CDH4: variants seen among roughly 807,000 people sequenced by gnomAD.
CDH4 encodes the protein cadherin-4.
CDH4 carries 33 observed loss-of-function variants against 86.0 expected under a neutral mutation model. The ratio of observed to expected loss-of-function variants is 0.38; its 90% CI spans 0.29 to 0.51. The LOEUF is 0.51. Among genes scored for constraint, CDH4 ranks in the 20% least tolerant of loss-of-function variants. The pLI, the probability that CDH4 is intolerant of heterozygous loss-of-function variation, is 0.86. For synonymous variants in CDH4, 555 were observed against 549.4 expected (o/e 1.01, Z -0.14); for missense variants, 1,114 against 1,307.4 (o/e 0.85, Z 2.28).
intron 2 of CDH4, among the ~76,000 whole-genome samples, chr20:61,498,948 C>G (rs1040627294): frequency 6.6e-6 from 1 of 152,140 alleles, no homozygotes; most frequent in African/African-American, 2.4e-5. Context: ...CTTCTCTCCT[C>G]GGAATGAGTC....
intron 4 of CDH4, among the ~76,000 whole-genome samples, chr20:61,837,232 A>C (rs977673185): frequency 6.6e-6 from 1 of 152,140 alleles, no homozygotes; most frequent in Non-Finnish European, 1.5e-5. Context: ...CATCCCCCAA[A>C]GCTGCATTTG....
At position 61,937,417 on chromosome 20, in the gene CDH4, T is replaced by C. The variant is rs916415752; in HGVS notation, c.*474T>C. The C allele has an allele frequency of 1.3e-5, 2 of 153,276 alleles. No individual in the cohort carries two copies. Among genetic ancestry groups the C allele is most frequent in the East Asian group, 3.8e-4 (2 of 5,196 alleles). The allele number at this position is 153,276 out of a possible 1,614,324, so 9.5% of individuals were successfully genotyped here. A position where few individuals can be genotyped will look rare whatever the true frequency, so the allele number is the denominator to read the frequency against. Reference sequence around the variant, plus strand: ...ATTCAGAAATGGGGGAGACTGTGTCTGTCTTTCTTACTTTTTTTTTGGTCT... The same window carrying C: ...ATTCAGAAATGGGGGAGACTGTGTCCGTCTTTCTTACTTTTTTTTTGGTCT... On this transcript the variant is annotated 3_prime_UTR_variant, in exon 16 of 16. Transcript: ENST00000614565.
In CDH4 at chr20:61,582,122, C is replaced by T. The variant is rs951071149; in HGVS notation, c.170-161441C>T. On this transcript the variant is annotated intron_variant, in intron 2 of 15. Coordinates refer to ENST00000614565, the MANE Select transcript of CDH4 (RefSeq NM_001794.5). This position sits in a 1 kb window ranked among gnomAD's most constrained non-coding sequence, Gnocchi z 4.2. ...TGCTCGTGGCCATCATTACCATTGG[C>T]GGCATGCTGCCCATGCCTTGTGTGT... Among the ~76,000 whole-genome samples the T allele has an allele frequency of 2.6e-5, 4 of 152,324 alleles. No individual in the cohort carries two copies. The highest frequency in any genetic ancestry group is 2.1e-4 in the South Asian group (1 of 4,828).
chr20:61,562,441 G>A (rs1443247199), intron 2 of CDH4, among the ~76,000 whole-genome samples: 1 of 151,548 alleles, frequency 6.6e-6, no homozygotes, highest in Non-Finnish European at 1.5e-5. Context: ...AGGACTCCCG[G>A]AGAGAGAGAG....
intron 3 of CDH4, among the ~76,000 whole-genome samples, chr20:61,768,653 G>A (rs1009680661): frequency 4.6e-5 from 7 of 152,116 alleles, no homozygotes; most frequent in Non-Finnish European, 8.8e-5. Context: ...AGATGACTGC[G>A]TGTTCAAAAG....
intron 2 of CDH4, among the ~76,000 whole-genome samples, chr20:61,598,891 C>T (rs906007590): frequency 6.6e-6 from 1 of 152,242 alleles, no homozygotes; most frequent in Non-Finnish European, 1.5e-5. Flanking sequence ...TCCTCCAGGG[C>T]TGACACTGCG....
At chr20:61,707,390 G>T (rs554403020) in intron 2 of CDH4, among the ~76,000 whole-genome samples, 1 of 152,368 alleles carries the variant, frequency 6.6e-6, no homozygotes, top group East Asian at 1.9e-4. Context: ...TGTTATACAG[G>T]GAAAGGACAT....
In CDH4 at chr20:61,661,084, C is replaced by CGGGGGGG. The variant is rs56367674; in HGVS notation, c.170-82474_170-82468dup. 3.6e-4 allele frequency among the ~76,000 whole-genome samples: 27 copies of CGGGGGGG among 74,810 alleles called. 1 individual carries two copies. Among genetic ancestry groups the CGGGGGGG allele is most frequent in the Admixed American group, 6.0e-4 (4 of 6,702 alleles). 49.1% of individuals were successfully genotyped at this position (74,810 alleles called of 152,430 possible). On this transcript the variant is annotated intron_variant, in intron 2 of 15. Transcript: ENST00000614565. ...GAGGCGGCATGGACAGGAGGCATGGCGGGGGGGGGGGAGACACAGTGCCAG... is the reference window on the plus strand; with the variant it reads ...GAGGCGGCATGGACAGGAGGCATGGCGGGGGGGGGGGGGGGGGGAGACACAGTGCCAG...
Position 61,283,568 on chromosome 20 carries a change from G to T in CDH4, c.169+28631G>T, listed in dbSNP as rs539064620. ...GTGTGCTGTGGTGTGTGATGTAGGT[G>T]CATTTGCACGTGTGTGCTGTGGTGT... On this transcript the variant is annotated intron_variant, in intron 2 of 15. Transcript: ENST00000614565. Among the ~76,000 whole-genome samples, 6 of 144,948 alleles carry T rather than the reference G, an allele frequency of 4.1e-5. No homozygotes were observed. In the East Asian group the frequency reaches 1.3e-3, roughly 31 times the overall value.
chr20:61,449,472 G>A (rs1046280715), intron 2 of CDH4, among the ~76,000 whole-genome samples: 2 of 152,202 alleles, frequency 1.3e-5, no homozygotes, highest in Non-Finnish European at 2.9e-5. Flanking sequence ...TCTCTCCGTA[G>A]CCTGTGACGT....
rs764979754 is a variant in CDH4 at position 61,254,963 on chromosome 20, AG to A, written c.169+27del. Reference sequence around the variant, plus strand: ...GTAAGGCGGGGTGTGGAGGGGTGGGAGTGAATTGCTGCCATGCTTTTCCTTG... The same window carrying A: ...GTAAGGCGGGGTGTGGAGGGGTGGGATGAATTGCTGCCATGCTTTTCCTTG... On this transcript the variant is annotated intron_variant, in intron 2 of 15. Transcript: ENST00000614565. 1.0e-4 allele frequency: 134 copies of A among 1,285,786 alleles called. 3 individuals are homozygous for A. The South Asian group carries it at 1.6e-3, about 15-fold the overall frequency. The allele number at this position is 1,285,786 out of a possible 1,614,324, so 79.6% of individuals were successfully genotyped here. A position where few individuals can be genotyped will look rare whatever the true frequency, so the allele number is the denominator to read the frequency against.
At chr20:61,853,426 C>T (rs59292461) in intron 6 of CDH4, among the ~76,000 whole-genome samples, 1 of 152,128 alleles carries the variant, frequency 6.6e-6, no homozygotes, top group Non-Finnish European at 1.5e-5. Context: ...GGACTCCCCC[C>T]ACAGAGGCGA....
At chr20:61,491,782 G>A (rs2085627028) in intron 2 of CDH4, among the ~76,000 whole-genome samples, 1 of 152,122 alleles carries the variant, frequency 6.6e-6, no homozygotes, top group South Asian at 2.1e-4. Context: ...TGATGTTGAT[G>A]CTGATGTAAT....
At chr20:61,857,848 G>T (rs6142878) in intron 6 of CDH4, among the ~76,000 whole-genome samples, 35,499 of 152,108 alleles carry the variant, frequency 0.23, 4,787 homozygotes, top group African/African-American at 0.37. Flanking sequence ...CCCCTACTAG[G>T]ATCCCACCCG....
At chr20:61,742,857 A>G (rs905169271) in intron 2 of CDH4, among the ~76,000 whole-genome samples, 3 of 152,330 alleles carry the variant, frequency 2.0e-5, no homozygotes, top group Non-Finnish European at 2.9e-5. Context: ...AAGCGAAGCA[A>G]TGCTCAGCAC....
intron 4 of CDH4, among the ~76,000 whole-genome samples, chr20:61,825,009 G>T (rs928839168): frequency 6.6e-6 from 1 of 152,278 alleles, no homozygotes; most frequent in Admixed American, 6.5e-5. Flanking sequence ...AGCTATAACT[G>T]GGTTTATGGC....
rs895000893 is a variant in CDH4 at position 61,720,457 on chromosome 20, GAGGGGTGA to G, written c.170-23098_170-23091del. Among the ~76,000 whole-genome samples the G allele has an allele frequency of 3.4e-5, 5 of 149,054 alleles. No individual in the cohort carries two copies. In the East Asian group the frequency reaches 8.0e-4, roughly 24 times the overall value. The stretch of plus-strand genomic sequence containing the variant: ...ATGCAAGATGTAGGGGTGCAGAGTG[GAGGGGTGA>G]AGGGGTGGAGAATGCAGGGGTGTAG... On this transcript the variant is annotated intron_variant, in intron 2 of 15. Coordinates refer to ENST00000614565, the MANE Select transcript of CDH4 (RefSeq NM_001794.5).
Position 61,929,667 on chromosome 20 carries a change from C to T in CDH4, c.2064C>T (p.Val688=), listed in dbSNP as rs1218948391. 7.4e-6 allele frequency: 12 copies of T among 1,614,026 alleles called. No homozygotes were observed. The highest frequency in any genetic ancestry group is 1.0e-5 in the Non-Finnish European group (12 of 1,180,036). ...ILYLEAGMYD[V]PIIVTDSGNP... ...ACCTGGAGGCCGGGATGTATGACGT[C>T]CCCATCATCGTCACAGACTCTGGAA... The change falls in exon 13 of 16, where the codon GTC becomes GTT. Residue 688 remains valine, a synonymous_variant. Transcript: ENST00000614565.
chr20:61,802,404 T>A (rs1206980816), intron 4 of CDH4, among the ~76,000 whole-genome samples: 1 of 152,192 alleles, frequency 6.6e-6, no homozygotes, highest in African/African-American at 2.4e-5. Flanking sequence ...GGGGGTCAGT[T>A]GTGCCTGAGA....
Sources: gnomAD v4.1 joint callset for allele counts (sites outside exome capture counted in the v4.1 genomes callset) on GRCh38, gnomAD v4.1.1 for gene constraint, Gnocchi (gnomAD v3.1) non-coding constraint, MANE v1.5 for transcripts, NCBI Gene and HGNC (gene_info 2026-07-23, HGNC 2026-07-21) for gene names.